Variants in GLRX3 observed in about 807,000 individuals in gnomAD.
GLRX3 encodes the protein glutaredoxin-3.
A neutral mutation model predicts 49.5 loss-of-function variants in GLRX3; 22 were observed. The observed-to-expected ratio is 0.44, with a 90% CI of 0.32 to 0.63. The LOEUF is 0.63. Ranked by LOEUF, GLRX3 falls within the 30% of genes least tolerant of loss-of-function variation. The pLI is 0.05. For synonymous variants in GLRX3, 133 were observed against 140.0 expected, an observed-to-expected ratio of 0.95 and a Z score of 0.35; for missense variants, 385 against 396.3, an observed-to-expected ratio of 0.97 and a Z score of 0.24.
intron 10 of GLRX3, among the ~76,000 whole-genome samples, 170 bp from the exon 11 acceptor site, chr10:130,179,172 G>A (rs1240246527): frequency 6.6e-6 from 1 of 152,152 alleles, no homozygotes; most frequent in Non-Finnish European, 1.5e-5. Flanking sequence ...ACCTGATAGT[G>A]TATTCAGGGT....
In GLRX3 at chr10:130,149,436, C is replaced by T. The variant is rs144441046; in HGVS notation, c.201+4117C>T. ...CGGCCTGCGTGACAGAGCAAGACTC[C>T]GTCTCAAAAAAAAAAAACAAAACAG... is the stretch of plus-strand genomic sequence containing the variant. On this transcript the variant is annotated intron_variant, in intron 2 of 10. Transcript: ENST00000331244. Among the ~76,000 whole-genome samples the T allele has an allele frequency of 1.8e-3, 254 of 142,594 alleles. 1 individual carries two copies. The highest frequency in any genetic ancestry group is 5.0e-3 in the African/African-American group (187 of 37,328). The allele number at this position is 142,594 out of a possible 152,430, so 93.5% of individuals were successfully genotyped here.
intron 1 of GLRX3, among the ~76,000 whole-genome samples, chr10:130,137,857 C>G (rs912727264): frequency 8.5e-5 from 13 of 152,210 alleles, no homozygotes; most frequent in African/African-American, 3.1e-4. Flanking sequence ...ACCTCATCCT[C>G]CCGAGTAGCT....
At chr10:130,173,473 A>T (rs1778584470) in intron 8 of GLRX3, among the ~76,000 whole-genome samples, 1 of 152,126 alleles carries the variant, frequency 6.6e-6, no homozygotes. Context: ...ACTCCTTTTT[A>T]CTTTTTCTCA....
intron 1 of GLRX3, among the ~76,000 whole-genome samples, chr10:130,137,117 G>A (rs537182329): frequency 2.0e-5 from 3 of 152,384 alleles, no homozygotes; most frequent in African/African-American, 4.8e-5. Flanking sequence ...TTGTTGGACA[G>A]CAGGTAGCCT....
intron 2 of GLRX3, among the ~76,000 whole-genome samples, chr10:130,150,751 A>T (rs185713885): frequency 6.6e-6 from 1 of 152,270 alleles, no homozygotes; most frequent in East Asian, 1.9e-4. Flanking sequence ...GTGTTGGGCA[A>T]TCTTCCGAAG....
intron 6 of GLRX3, among the ~76,000 whole-genome samples, chr10:130,168,361 C>G (rs1225929417): frequency 6.6e-6 from 1 of 152,182 alleles, no homozygotes; most frequent in African/African-American, 2.4e-5. Flanking sequence ...TGAACTTGAG[C>G]TAATCCCACT....
chr10:130,152,057 A>G lies in GLRX3; in HGVS notation c.201+6738A>G, dbSNP rs1030998558. Among the ~76,000 whole-genome samples, 146 of 150,728 alleles carry G rather than the reference A, an allele frequency of 9.7e-4. 2 individuals carry two copies. The highest frequency in any genetic ancestry group is 3.1e-3 in the African/African-American group (125 of 40,922). ...TTTTTTTGAGACGGAGTCTCACTCT[A>G]TTGCCCAGGCTGGAGTGCAGTGATG... is the stretch of plus-strand genomic sequence containing the variant. On this transcript the variant is annotated intron_variant, in intron 2 of 10. Transcript: ENST00000331244.
At chr10:130,156,238 T>A (rs769616959) in intron 2 of GLRX3, among the ~76,000 whole-genome samples, 15 of 152,204 alleles carry the variant, frequency 9.9e-5, no homozygotes, top group Admixed American at 3.9e-4. Context: ...GATGGCACCT[T>A]GTTGCCGTGT....
chr10:130,165,670 C>G (rs879803122), intron 4 of GLRX3, among the ~76,000 whole-genome samples: 1 of 152,162 alleles, frequency 6.6e-6, no homozygotes, highest in Non-Finnish European at 1.5e-5. Context: ...CACATGCCTT[C>G]TTGATTTCTA....
chr10:130,137,151 C>T (rs1168833426), intron 1 of GLRX3, among the ~76,000 whole-genome samples: 1 of 152,196 alleles, frequency 6.6e-6, no homozygotes, highest in East Asian at 1.9e-4. Context: ...TAACCTGTTG[C>T]CGGAGACAGA....
chr10:130,166,446 A>G, intron 4 of GLRX3, 61 bp from the exon 5 acceptor site: 1 of 1,205,402 alleles, frequency 8.3e-7, no homozygotes, highest in Non-Finnish European at 1.2e-6. Context: ...CTAATGTATT[A>G]TCATGTGTAT....
In GLRX3 at chr10:130,136,425, C is replaced by A; in HGVS notation, c.5C>A (p.Ala2Glu). The A allele has an allele frequency of 8.0e-7, 1 of 1,254,154 alleles. No individual in the cohort carries two copies. The highest frequency in any genetic ancestry group is 1.0e-6 in the Non-Finnish European group (1 of 993,258). 77.7% of individuals were successfully genotyped at this position (1,254,154 alleles called of 1,614,324 possible). A position where few individuals can be genotyped will look rare whatever the true frequency, so the allele number is the denominator to read the frequency against. Reference sequence around the variant, plus strand: ...CTTCTGTCTGGCGGCGGCAGCATGGCGGCGGGGGCGGCTGAGGCAGCTGTA... The same window carrying A: ...CTTCTGTCTGGCGGCGGCAGCATGGAGGCGGGGGCGGCTGAGGCAGCTGTA... M[A>E]AGAAEAAVAA... The change falls in exon 1 of 11, where the codon GCG becomes GAG. Residue 2 changes from alanine (A) to glutamate (E), a missense_variant. By Grantham distance (107) the Ala-to-Glu change is moderately radical. Transcript: ENST00000331244.
At chr10:130,153,516 A>G (rs558042176) in intron 2 of GLRX3, among the ~76,000 whole-genome samples, 1 of 152,120 alleles carries the variant, frequency 6.6e-6, no homozygotes, top group Non-Finnish European at 1.5e-5. Context: ...TGTTGATGCT[A>G]TTCCTTTCTG....
intron 1 of GLRX3, among the ~76,000 whole-genome samples, chr10:130,139,211 GC>G (rs1355533308): frequency 2.0e-5 from 3 of 151,970 alleles, no homozygotes; most frequent in Non-Finnish European, 4.4e-5. Context: ...CTTGCCGCTG[GC>G]CTGTACTTGA....
At chr10:130,160,419 T>A (rs1862551889) in intron 3 of GLRX3, among the ~76,000 whole-genome samples, 1 of 152,210 alleles carries the variant, frequency 6.6e-6, no homozygotes, top group Non-Finnish European at 1.5e-5. Context: ...TCTGGCTGGT[T>A]CTGGTTTGAT....
chr10:130,137,860 G>A (rs908420701), intron 1 of GLRX3, among the ~76,000 whole-genome samples: 3 of 151,916 alleles, frequency 2.0e-5, no homozygotes, highest in African/African-American at 7.3e-5. Flanking sequence ...TCATCCTCCC[G>A]AGTAGCTGGG....
intron 8 of GLRX3, among the ~76,000 whole-genome samples, chr10:130,172,129 A>G (rs1323092345): frequency 1.3e-5 from 2 of 152,158 alleles, no homozygotes; most frequent in Non-Finnish European, 2.9e-5. Flanking sequence ...GTGTCAACCT[A>G]TTAGTAACAT....
chr10:130,179,283 A>G (rs1360490206), intron 10 of GLRX3, 59 bp from the exon 11 acceptor site: 2 of 791,932 alleles, frequency 2.5e-6, no homozygotes, highest in Admixed American at 4.9e-5. Flanking sequence ...GATTGTTTAG[A>G]TGTTTCCATC....
Position 130,159,352 on chromosome 10 carries a change from G to A in GLRX3, c.202-643G>A, listed in dbSNP as rs186395094. On this transcript the variant is annotated intron_variant, in intron 2 of 10. Coordinates refer to ENST00000331244, the MANE Select transcript of GLRX3 (RefSeq NM_006541.5). The stretch of plus-strand genomic sequence containing the variant: ...AGATATCACATCCTGTCTTGTTCAG[G>A]GGCCTTAAGGAAATTATCAAACACA... Among the ~76,000 whole-genome samples, 99 of 152,164 alleles carry A rather than the reference G, an allele frequency of 6.5e-4. No individual in the cohort carries two copies. In the Middle Eastern group the frequency reaches 0.041, roughly 63 times the overall value.
Sources: gnomAD v4.1 joint callset for allele counts (sites outside exome capture counted in the v4.1 genomes callset) on GRCh38, gnomAD v4.1.1 for gene constraint, MANE v1.5 for transcripts, NCBI Gene and HGNC (gene_info 2026-07-23, HGNC 2026-07-21) for gene names.